Variants in SORCS3 observed in about 807,000 individuals in gnomAD.
SORCS3 encodes sortilin related VPS10 domain containing receptor 3.
A neutral mutation model predicts 146.3 loss-of-function variants in SORCS3; 57 were observed. The ratio of observed to expected loss-of-function variants is 0.39; its 90% CI spans 0.31 to 0.49. The LOEUF is 0.49. Ranked by LOEUF, SORCS3 falls within the 20% of genes least tolerant of loss-of-function variation. The pLI is 0.92. For synonymous variants in SORCS3, 653 were observed against 618.5 expected (o/e 1.06, Z -0.83); for missense variants, 1,341 against 1,575.5 (o/e 0.85, Z 2.52).
intron 20 of SORCS3, among the ~76,000 whole-genome samples, chr10:105,225,137 T>A (rs758876701): frequency 3.9e-5 from 6 of 152,144 alleles, no homozygotes; most frequent in Non-Finnish European, 8.8e-5. Context: ...ATTGGTGTTG[T>A]ATCTCAAATG....
intron 13 of SORCS3, among the ~76,000 whole-genome samples, chr10:105,168,760 C>CA (rs971365995): frequency 5.3e-5 from 8 of 151,996 alleles, no homozygotes; most frequent in Non-Finnish European, 1.2e-4. Context: ...ATTTTTAGGT[C>CA]AAAAATGATC....
chr10:105,231,134 T>C (rs1042104668), intron 20 of SORCS3, among the ~76,000 whole-genome samples: 4 of 152,210 alleles, frequency 2.6e-5, no homozygotes, highest in Admixed American at 2.0e-4. Flanking sequence ...CCTTCACTGC[T>C]TTATGTGCTT....
intron 5 of SORCS3, among the ~76,000 whole-genome samples, chr10:105,060,766 C>T (rs771780661): frequency 5.9e-5 from 9 of 152,068 alleles, no homozygotes; most frequent in East Asian, 5.8e-4. Context: ...GGAGAAACCC[C>T]GTCTCTATTA....
At chr10:105,118,317 T>G (rs2055907220) in intron 7 of SORCS3, among the ~76,000 whole-genome samples, 2 of 152,178 alleles carry the variant, frequency 1.3e-5, no homozygotes, top group South Asian at 4.1e-4. Flanking sequence ...TTTCTTCCCC[T>G]TCTCCTTCTG....
chr10:104,937,459 TCTAAGTTTTA>T (rs779482486), intron 3 of SORCS3, among the ~76,000 whole-genome samples: 81 of 152,224 alleles, frequency 5.3e-4, no homozygotes, highest in Non-Finnish European at 1.1e-3. Flanking sequence ...CACTATAAAA[TCTAAGTTTTA>T]TTTTAAAAGA....
At chr10:104,696,443 T>TATATATA (rs1564661304) in intron 1 of SORCS3, among the ~76,000 whole-genome samples, 1 of 2,108 alleles carries the variant, frequency 4.7e-4, no homozygotes, top group African/African-American at 6.2e-4. Context: ...GAATATATAA[T>TATATATA]ATATAGAATA....
At chr10:104,859,149 A>G (rs1301459781) in intron 2 of SORCS3, among the ~76,000 whole-genome samples, 1 of 152,054 alleles carries the variant, frequency 6.6e-6, no homozygotes, top group Non-Finnish European at 1.5e-5. Flanking sequence ...TAAGACTTGG[A>G]TAATGAAATC....
rs141958176 is a variant in SORCS3 at position 105,072,545 on chromosome 10, G to A, written c.1029-17230G>A. Among the ~76,000 whole-genome samples the A allele has an allele frequency of 4.8e-3, 734 of 152,142 alleles. 3 individuals carry two copies. Among genetic ancestry groups the A allele is most frequent in the Non-Finnish European group, 7.8e-3 (528 of 68,012 alleles). On this transcript the variant is annotated intron_variant, in intron 5 of 26. Coordinates refer to ENST00000369701, the MANE Select transcript of SORCS3 (RefSeq NM_014978.3). ...TAACCGCTCTGTGCCAGGGCTATGC[G>A]TGTGCTATGCATGCTCATTTTGCCC...
intron 13 of SORCS3, among the ~76,000 whole-genome samples, chr10:105,171,697 TA>T (rs1388927759): frequency 2.0e-5 from 3 of 152,166 alleles, no homozygotes; most frequent in Non-Finnish European, 4.4e-5. Context: ...GTACTGGGGA[TA>T]AAATGAAATG....
intron 1 of SORCS3, among the ~76,000 whole-genome samples, chr10:104,749,568 C>T (rs61867284): frequency 0.15 from 22,156 of 152,050 alleles, 2,110 homozygotes; most frequent in Middle Eastern, 0.28. Context: ...ATTATTTTCT[C>T]ATTGAATATT....
At chr10:104,741,172 T>C (rs1389830412) in intron 1 of SORCS3, among the ~76,000 whole-genome samples, 1 of 147,528 alleles carries the variant, frequency 6.8e-6, no homozygotes, top group African/African-American at 2.5e-5. Context: ...GGTCTTGCTA[T>C]GTTGCCCAGG....
intron 3 of SORCS3, among the ~76,000 whole-genome samples, chr10:104,928,994 A>G (rs1190192691): frequency 6.6e-6 from 1 of 152,192 alleles, no homozygotes; most frequent in Non-Finnish European, 1.5e-5. Flanking sequence ...GCATGTGATT[A>G]TCTCCTTGGC....
intron 1 of SORCS3, among the ~76,000 whole-genome samples, chr10:104,705,148 G>T (rs749721979): frequency 6.6e-6 from 1 of 151,160 alleles, no homozygotes; most frequent in African/African-American, 2.4e-5. Flanking sequence ...AATACATAAT[G>T]CCCTGGACAT....
At chr10:105,221,088 A>G (rs917270867) in intron 19 of SORCS3, among the ~76,000 whole-genome samples, 10 of 152,104 alleles carry the variant, frequency 6.6e-5, no homozygotes, top group Non-Finnish European at 1.3e-4. Context: ...TTTTATTTTT[A>G]ATTTTTGTGG....
At chr10:105,217,938 T>C (rs2056675375) in intron 19 of SORCS3, 1 of 452,934 alleles carries the variant, frequency 2.2e-6, no homozygotes, top group Non-Finnish European at 4.4e-6. Flanking sequence ...CCATGGTTCT[T>C]ACTTACATAC....
intron 6 of SORCS3, among the ~76,000 whole-genome samples, chr10:105,096,398 T>G (rs910889846): frequency 1.2e-4 from 18 of 152,158 alleles, no homozygotes; most frequent in Non-Finnish European, 2.2e-4. Flanking sequence ...GCCTGGGGAC[T>G]GCACTTTGAT....
chr10:105,185,999 A>G (rs7078161), intron 14 of SORCS3, among the ~76,000 whole-genome samples: 49,108 of 152,090 alleles, frequency 0.32, 8,014 homozygotes, highest in South Asian at 0.43. Flanking sequence ...GTCATGATAT[A>G]AATATGCACA....
chr10:104,874,581 TA>T (rs201540222), intron 2 of SORCS3, among the ~76,000 whole-genome samples: 2 of 151,790 alleles, frequency 1.3e-5, no homozygotes, highest in African/African-American at 2.4e-5. Flanking sequence ...AGGGTTTTAT[TA>T]AAAAAAACAA....
intron 1 of SORCS3, among the ~76,000 whole-genome samples, chr10:104,705,244 T>A (rs78788377): frequency 9.0e-5 from 10 of 111,212 alleles, no homozygotes; most frequent in African/African-American, 2.9e-4. Flanking sequence ...TTTTTTTTTT[T>A]AATTGGTCTG....
Sources: allele counts gnomAD v4.1 joint callset (sites outside exome capture counted in the v4.1 genomes callset), GRCh38; gene constraint gnomAD v4.1.1; transcripts MANE v1.5; gene names NCBI Gene and HGNC (gene_info 2026-07-23, HGNC 2026-07-21).